The following NAALADL2 variants were observed in gnomAD, a reference collection of about 807,000 sequenced individuals.
NAALADL2 encodes the protein inactive N-acetylated-alpha-linked acidic dipeptidase-like protein 2.
NAALADL2 carries 76 observed loss-of-function variants against 87.2 expected under a neutral mutation model. The ratio of observed to expected loss-of-function variants is 0.87; its 90% CI spans 0.72 to 1.05. NAALADL2 has a LOEUF of 1.05. Among genes scored for constraint, NAALADL2 ranks in the 50% least tolerant of loss-of-function variants. The pLI, the probability that NAALADL2 is intolerant of heterozygous loss-of-function variation, is 0.00. For synonymous variants in NAALADL2, 354 were observed against 331.0 expected (o/e 1.07, Z -0.75); for missense variants, 1,089 against 945.8 (o/e 1.15, Z -1.99).
chr3:174,854,041 A>C (rs1349322594), intron 3 of NAALADL2, among the ~76,000 whole-genome samples: 3 of 152,210 alleles, frequency 2.0e-5, no homozygotes, highest in African/African-American at 7.2e-5. Context: ...GTATATTCAA[A>C]AGAAAGGAAA....
intron 5 of NAALADL2, among the ~76,000 whole-genome samples, chr3:175,398,742 T>C: frequency 6.6e-6 from 1 of 152,134 alleles, no homozygotes; most frequent in East Asian, 1.9e-4. Flanking sequence ...GGGTTTCATT[T>C]TAATTTACAT....
intron 1 of NAALADL2, among the ~76,000 whole-genome samples, chr3:174,880,850 G>A (rs1404588961): frequency 6.6e-6 from 1 of 152,058 alleles, no homozygotes; most frequent in Non-Finnish European, 1.5e-5. Flanking sequence ...GTATTGATTG[G>A]GTTAGATCCA....
intron 1 of NAALADL2, among the ~76,000 whole-genome samples, chr3:174,936,440 TAC>T (rs1350915827): frequency 1.3e-5 from 2 of 152,060 alleles, no homozygotes; most frequent in Non-Finnish European, 2.9e-5. Flanking sequence ...CTGTACATAA[TAC>T]AGTTAATTTT....
intron 3 of NAALADL2, among the ~76,000 whole-genome samples, chr3:174,807,088 G>A (rs1324921490): frequency 6.6e-6 from 1 of 152,118 alleles, no homozygotes; most frequent in Non-Finnish European, 1.5e-5. Flanking sequence ...AAATGTGCTT[G>A]TGTATTGCAG....
At chr3:175,626,286 T>C (rs1405110127) in intron 10 of NAALADL2, among the ~76,000 whole-genome samples, 1 of 152,008 alleles carries the variant, frequency 6.6e-6, no homozygotes, top group Non-Finnish European at 1.5e-5. Context: ...ATTTTTTGTA[T>C]TTTTAATACA....
intron 4 of NAALADL2, among the ~76,000 whole-genome samples, chr3:175,282,966 T>G (rs1754500858): frequency 1.3e-5 from 2 of 151,478 alleles, no homozygotes; most frequent in Admixed American, 1.3e-4. Context: ...CTAGCAGAAA[T>G]GCTCCTTGTT....
intron 1 of NAALADL2, among the ~76,000 whole-genome samples, chr3:174,445,142 A>G (rs1577927620): frequency 6.6e-6 from 1 of 152,172 alleles, no homozygotes; most frequent in East Asian, 1.9e-4. Flanking sequence ...TCTGCCCTCA[A>G]TTTACCATTT....
chr3:175,014,557 A>G (rs963217425), intron 1 of NAALADL2, among the ~76,000 whole-genome samples: 1 of 152,134 alleles, frequency 6.6e-6, no homozygotes, highest in Non-Finnish European at 1.5e-5. Context: ...AATTGATGCA[A>G]ACCATTTGGA....
intron 5 of NAALADL2, among the ~76,000 whole-genome samples, chr3:175,394,203 G>A (rs893212226): frequency 1.3e-5 from 2 of 152,076 alleles, no homozygotes; most frequent in Admixed American, 1.3e-4. Context: ...AGCAAAAACA[G>A]ACCAAATGAA....
chr3:175,630,038 T>TA (rs1291618395), intron 11 of NAALADL2, among the ~76,000 whole-genome samples: 3 of 151,806 alleles, frequency 2.0e-5, no homozygotes, highest in Non-Finnish European at 4.4e-5. Flanking sequence ...AGGTTTTTTA[T>TA]GATGACATAT....
chr3:175,777,417 C>T (rs1750392076), intron 13 of NAALADL2, among the ~76,000 whole-genome samples: 1 of 151,940 alleles, frequency 6.6e-6, no homozygotes, highest in South Asian at 2.1e-4. Flanking sequence ...GGATTATATG[C>T]ATTAAAATAT....
intron 1 of NAALADL2, among the ~76,000 whole-genome samples, chr3:174,474,992 C>G (rs1433063325): frequency 2.0e-5 from 3 of 151,814 alleles, no homozygotes; most frequent in Non-Finnish European, 4.4e-5. Context: ...TAATATAAAG[C>G]TATTTTCAAG....
At chr3:174,768,629 A>G (rs554856809) in intron 3 of NAALADL2, among the ~76,000 whole-genome samples, 1 of 152,208 alleles carries the variant, frequency 6.6e-6, no homozygotes, top group East Asian at 1.9e-4. Context: ...AATTAGGCAG[A>G]TTATACCTTT....
chr3:175,800,201 C>A (rs946212661), intron 13 of NAALADL2, among the ~76,000 whole-genome samples: 5 of 152,052 alleles, frequency 3.3e-5, no homozygotes, highest in African/African-American at 1.2e-4. Flanking sequence ...GTGCCAGAGG[C>A]AGTTCTATCC....
At chr3:175,743,725 G>T (rs553456327) in intron 12 of NAALADL2, among the ~76,000 whole-genome samples, 1 of 152,330 alleles carries the variant, frequency 6.6e-6, no homozygotes, top group African/African-American at 2.4e-5. Context: ...GACAACACAT[G>T]AGCTGACAAG....
intron 2 of NAALADL2, among the ~76,000 whole-genome samples, chr3:175,191,397 G>C (rs1170609777): frequency 6.6e-6 from 1 of 152,186 alleles, no homozygotes; most frequent in Non-Finnish European, 1.5e-5. Context: ...TTGTAGAGCA[G>C]AGTTGGATCA....
chr3:175,310,327 CA>C (rs1165163655), intron 4 of NAALADL2, among the ~76,000 whole-genome samples: 1 of 146,776 alleles, frequency 6.8e-6, no homozygotes, highest in African/African-American at 2.7e-5. Flanking sequence ...ATTTAGTCAC[CA>C]TTTTTTTTTC....
At chr3:174,922,524 A>G (rs1735392855) in intron 1 of NAALADL2, among the ~76,000 whole-genome samples, 1 of 152,118 alleles carries the variant, frequency 6.6e-6, no homozygotes, top group South Asian at 2.1e-4. Flanking sequence ...CCACAGCTCT[A>G]ATTTGAATTT....
chr3:175,096,119 C>A (rs931901048), intron 1 of NAALADL2, among the ~76,000 whole-genome samples: 1 of 152,066 alleles, frequency 6.6e-6, no homozygotes, highest in Non-Finnish European at 1.5e-5. Context: ...CAGGCCAATT[C>A]ATGTCACTAA....
Sources: allele counts gnomAD v4.1 joint callset (sites outside exome capture counted in the v4.1 genomes callset), GRCh38; gene constraint gnomAD v4.1.1; transcripts MANE v1.5; gene names NCBI Gene and HGNC (gene_info 2026-07-23, HGNC 2026-07-21).